Variants in MAPKAP1 observed in about 807,000 individuals in gnomAD.
The protein encoded by MAPKAP1 is target of rapamycin complex 2 subunit MAPKAP1.
A neutral mutation model predicts 65.7 loss-of-function variants in MAPKAP1; 20 were observed. The observed-to-expected ratio is 0.30, with a 90% confidence interval of 0.21 to 0.44. The LOEUF (loss-of-function observed/expected upper bound fraction) is 0.44. MAPKAP1 is among the 20% of genes least tolerant of loss of function. MAPKAP1 has a pLI of 1.00. For missense variants in MAPKAP1, 423 were observed against 648.0 expected, an observed-to-expected ratio of 0.65 and a Z score of 3.77; for synonymous variants, 222 against 244.3, an observed-to-expected ratio of 0.91 and a Z score of 0.85.
chr9:125,486,997 A>G (rs1373458376), intron 8 of MAPKAP1, among the ~76,000 whole-genome samples: 2 of 152,178 alleles, frequency 1.3e-5, no homozygotes, highest in Non-Finnish European at 2.9e-5. Context: ...TAACCCCAAG[A>G]ACACAGGGAC....
At chr9:125,448,013 T>A (rs1321163565) in intron 10 of MAPKAP1, among the ~76,000 whole-genome samples, 1 of 151,704 alleles carries the variant, frequency 6.6e-6, no homozygotes, top group African/African-American at 2.4e-5. Flanking sequence ...GTGCCTGGAG[T>A]CACCAGCTGA....
At chr9:125,682,627 T>A (rs1471439782) in intron 1 of MAPKAP1, among the ~76,000 whole-genome samples, 3 of 152,244 alleles carry the variant, frequency 2.0e-5, no homozygotes, top group Non-Finnish European at 4.4e-5. Context: ...TAGATTTGAC[T>A]GACACTTGTG....
At chr9:125,596,247 G>C (rs1832121862) in intron 4 of MAPKAP1, 2 of 763,244 alleles carry the variant, frequency 2.6e-6, no homozygotes. Context: ...CAGCGAAAGA[G>C]GTCGAAGTGG....
intron 3 of MAPKAP1, among the ~76,000 whole-genome samples, chr9:125,664,857 TAA>T (rs962594817): frequency 2.3e-4 from 35 of 151,832 alleles, no homozygotes; most frequent in African/African-American, 8.5e-4. Context: ...AGAAAGACTA[TAA>T]AGTCTTTGGG....
At chr9:125,686,754 C>T (rs970604040) in intron 1 of MAPKAP1, among the ~76,000 whole-genome samples, 2 of 152,072 alleles carry the variant, frequency 1.3e-5, no homozygotes, top group Admixed American at 6.5e-5. Flanking sequence ...AAGATGTTGC[C>T]GGTACACTCT....
intron 11 of MAPKAP1, among the ~76,000 whole-genome samples, chr9:125,441,956 T>C (rs1363297926): frequency 6.6e-6 from 1 of 151,626 alleles, no homozygotes; most frequent in Non-Finnish European, 1.5e-5. Context: ...TGAAACCCCG[T>C]TCTCTACTAA....
At chr9:125,445,264 G>C (rs1306992662) in intron 10 of MAPKAP1, among the ~76,000 whole-genome samples, 1 of 152,160 alleles carries the variant, frequency 6.6e-6, no homozygotes, top group Non-Finnish European at 1.5e-5. Context: ...CCACCTTCAG[G>C]ATGACACTTG....
intron 4 of MAPKAP1, among the ~76,000 whole-genome samples, chr9:125,604,902 T>TG (rs1490428046): frequency 6.6e-6 from 1 of 152,228 alleles, no homozygotes; most frequent in Non-Finnish European, 1.5e-5. Context: ...ACAACTCACC[T>TG]GAGCTGAGGC....
In MAPKAP1 at chr9:125,683,693, A is replaced by G. The variant is rs76024056; in HGVS notation, c.-69-11050T>C. On this transcript the variant is annotated intron_variant, in intron 1 of 11. Coordinates refer to ENST00000265960, the MANE Select transcript of MAPKAP1 (RefSeq NM_001006617.3). ...TTCATCCCTTTAAGAGCATGAACAC[A>G]AAACTCAGCTGAAGCCATGACTCCT... 4.1e-3 allele frequency among the ~76,000 whole-genome samples: 623 copies of G among 152,342 alleles called. 6 individuals are homozygous for G. Among genetic ancestry groups the G allele is most frequent in the African/African-American group, 0.014 (597 of 41,570 alleles).
At chr9:125,542,083 A>C (rs748403188) in intron 7 of MAPKAP1, among the ~76,000 whole-genome samples, 9 of 152,132 alleles carry the variant, frequency 5.9e-5, no homozygotes, top group Non-Finnish European at 1.0e-4. Context: ...TTTTATGAGA[A>C]TCAGATTTTC....
chr9:125,535,884 G>T (rs1485007709), intron 7 of MAPKAP1, among the ~76,000 whole-genome samples: 1 of 152,030 alleles, frequency 6.6e-6, no homozygotes, highest in African/African-American at 2.4e-5. Flanking sequence ...CAGCCTCTTG[G>T]GGCATATGTC....
At chr9:125,453,290 T>C (rs1853030558) in intron 10 of MAPKAP1, among the ~76,000 whole-genome samples, 3 of 152,258 alleles carry the variant, frequency 2.0e-5, no homozygotes, top group African/African-American at 7.2e-5. Context: ...GGTCTCGTAC[T>C]CCTGACCTCA....
At position 125,468,114 on chromosome 9, in the gene MAPKAP1, A is replaced by G; in HGVS notation, c.1208-5T>C. ...CTACTTTGTCTCCAGAGATACCTGT[A>G]AGCCAAGGTGAGGACACAAAAGAAA... is the stretch of plus-strand genomic sequence containing the variant. On this transcript the variant is annotated splice_polypyrimidine_tract_variant and splice_region_variant and intron_variant, in intron 9 of 11. Transcript: ENST00000265960. 1 of 1,614,010 alleles carries G rather than the reference A, an allele frequency of 6.2e-7. No homozygotes were observed. The highest frequency in any genetic ancestry group is 1.7e-5 in the Admixed American group (1 of 59,994).
rs79539671 is a variant in MAPKAP1, at chr9:125,470,895, T to C, written c.1208-2786A>G. ...TTCCAGAGCTACTTTATCTTCATTT[T>C]AGATTGATCTGTAATTGGCAGGGGC... On this transcript the variant is annotated intron_variant, in intron 9 of 11. Transcript: ENST00000265960. Among the ~76,000 whole-genome samples, 684 of 152,340 alleles carry C rather than the reference T, an allele frequency of 4.5e-3. 4 individuals carry two copies. The highest frequency in any genetic ancestry group is 0.015 in the African/African-American group (642 of 41,572).
chr9:125,618,382 T>C (rs1832804894), intron 4 of MAPKAP1, among the ~76,000 whole-genome samples: 1 of 123,826 alleles, frequency 8.1e-6, no homozygotes, highest in African/African-American at 2.9e-5. Context: ...GGCAATAGGC[T>C]GAATGTTAAA....
At chr9:125,568,225 A>G (rs1831120981) in intron 5 of MAPKAP1, among the ~76,000 whole-genome samples, 1 of 152,184 alleles carries the variant, frequency 6.6e-6, no homozygotes, top group South Asian at 2.1e-4. Context: ...GTCCTTGGAT[A>G]AGAATAGGTT....
intron 1 of MAPKAP1, among the ~76,000 whole-genome samples, chr9:125,676,220 T>C (rs753069703): frequency 1.3e-5 from 2 of 152,192 alleles, no homozygotes; most frequent in Non-Finnish European, 2.9e-5. Flanking sequence ...ATATAAAACA[T>C]GAATACTATC....
At chr9:125,592,497 G>T (rs1408887985) in intron 4 of MAPKAP1, among the ~76,000 whole-genome samples, 1 of 152,112 alleles carries the variant, frequency 6.6e-6, no homozygotes, top group African/African-American at 2.4e-5. Context: ...CTAAAAAGGA[G>T]ATAAAAAGAA....
At chr9:125,641,506 G>A (rs1164707423) in intron 4 of MAPKAP1, among the ~76,000 whole-genome samples, 1 of 152,114 alleles carries the variant, frequency 6.6e-6, no homozygotes, top group African/African-American at 2.4e-5. Flanking sequence ...AGAACTGGGT[G>A]AGTTTCTTAT....
Sources: allele counts gnomAD v4.1 joint callset (sites outside exome capture counted in the v4.1 genomes callset), GRCh38; gene constraint gnomAD v4.1.1; transcripts MANE v1.5; gene names NCBI Gene and HGNC (gene_info 2026-07-23, HGNC 2026-07-21).